Variants in ALAS1 observed in about 807,000 individuals in gnomAD.
The protein encoded by ALAS1 is 5-aminolevulinate synthase, non-specific, mitochondrial.
A neutral mutation model predicts 59.6 loss-of-function variants in ALAS1; 29 were observed. The ratio of observed to expected loss-of-function variants is 0.49; its 90% CI spans 0.36 to 0.66. The LOEUF is 0.66. Among genes scored for constraint, ALAS1 ranks in the 30% least tolerant of loss-of-function variants. The pLI is 0.00. For synonymous variants in ALAS1, 299 were observed against 296.6 expected (o/e 1.01, Z -0.08); for missense variants, 690 against 807.5 (o/e 0.85, Z 1.76).
At chr3:52,209,502 C>T (rs750911189) in intron 9 of ALAS1, among the ~76,000 whole-genome samples, 7 of 152,098 alleles carry the variant, frequency 4.6e-5, no homozygotes, top group Non-Finnish European at 1.0e-4. Context: ...CCACCACACC[C>T]GGCCAGAAGC....
At position 52,205,736 on chromosome 3, in the gene ALAS1, A is replaced by G. The variant is rs989264514; in HGVS notation, c.801-103A>G. 13 of 1,144,006 alleles carry G rather than the reference A, an allele frequency of 1.1e-5. No individual in the cohort carries two copies. The South Asian group carries it at 1.8e-4, about 16-fold the overall frequency. The allele number at this position is 1,144,006 out of a possible 1,614,324, so 70.9% of individuals were successfully genotyped here. A position where few individuals can be genotyped will look rare whatever the true frequency, so the allele number is the denominator to read the frequency against. On this transcript the variant is annotated intron_variant, in intron 6 of 11. Coordinates refer to ENST00000484952, the MANE Select transcript of ALAS1 (RefSeq NM_000688.6). Reference sequence around the variant, plus strand: ...GGTTTCACAGTGAGAGAGTTGCTACATCAACATGTTTCAGTCTCCTGGATC... The same window carrying G: ...GGTTTCACAGTGAGAGAGTTGCTACGTCAACATGTTTCAGTCTCCTGGATC...
At chr3:52,207,749 GTATTAATTCACTTAGGATGGCCTCTA>G (rs1699324035) in intron 8 of ALAS1, among the ~76,000 whole-genome samples, 1 of 152,140 alleles carries the variant, frequency 6.6e-6, no homozygotes, top group African/African-American at 2.4e-5. Flanking sequence ...TTCCGTTCCT[GTATTAATTCACTTAGGATGGCCTCTA>G]GCTCCATCCG....
intron 11 of ALAS1, among the ~76,000 whole-genome samples, chr3:52,213,380 C>G (rs1377266540): frequency 6.6e-6 from 1 of 152,192 alleles, no homozygotes; most frequent in Non-Finnish European, 1.5e-5. Flanking sequence ...GGAGCAGCTT[C>G]TTCCCTACAG....
chr3:52,201,219 A>T (rs187258001), intron 3 of ALAS1, among the ~76,000 whole-genome samples: 10 of 152,318 alleles, frequency 6.6e-5, no homozygotes, highest in Admixed American at 6.5e-4. Context: ...GCTCAAGGGG[A>T]GAGGGAAGTC....
chr3:52,211,049 T>C (rs1487897499), intron 9 of ALAS1, among the ~76,000 whole-genome samples: 1 of 152,048 alleles, frequency 6.6e-6, no homozygotes, highest in Non-Finnish European at 1.5e-5. Flanking sequence ...TACCTAAACA[T>C]AGAAAAGGTA....
At chr3:52,211,128 TC>T (rs1699395832) in intron 9 of ALAS1, among the ~76,000 whole-genome samples, 154 bp from the exon 10 acceptor site, 1 of 152,168 alleles carries the variant, frequency 6.6e-6, no homozygotes, top group Non-Finnish European at 1.5e-5. Flanking sequence ...GACTGAGACA[TC>T]ATTAATGTGG....
At position 52,202,501 on chromosome 3, in the gene ALAS1, C is replaced by T. The variant is rs552446703; in HGVS notation, c.200-6C>T. On this transcript the variant is annotated splice_polypyrimidine_tract_variant and splice_region_variant and intron_variant, in intron 3 of 11. Transcript: ENST00000484952. ...GATGCTTCACTTTTTCCATTTCCTCCCTCAGAAGACAAAACTGCTAAGGCC... is the reference window on the plus strand; with the variant it reads ...GATGCTTCACTTTTTCCATTTCCTCTCTCAGAAGACAAAACTGCTAAGGCC... 16 of 1,606,948 alleles carry T rather than the reference C, an allele frequency of 1.0e-5. No homozygotes were observed. In the South Asian group the frequency reaches 1.5e-4, roughly 15 times the overall value.
At chr3:52,205,742 A>G (rs1699278527) in intron 6 of ALAS1, 97 bp from the exon 7 acceptor site, 2 of 1,194,566 alleles carry the variant, frequency 1.7e-6, no homozygotes, top group African/African-American at 1.6e-5. Context: ...CTACATCAAC[A>G]TGTTTCAGTC....
intron 11 of ALAS1, 26 bp downstream of exon 11, chr3:52,212,446 C>G (rs1328964457): frequency 6.2e-7 from 1 of 1,613,454 alleles, no homozygotes; most frequent in East Asian, 2.2e-5. Context: ...GCTGCTGGTG[C>G]CTCACTGAGG....
At position 52,199,278 on chromosome 3, in the gene ALAS1, C is replaced by T. The variant is rs1007466272; in HGVS notation, c.37C>T (p.Arg13Ter). 2 of 1,614,200 alleles carry T rather than the reference C, an allele frequency of 1.2e-6. No individual in the cohort carries two copies. The highest frequency in any genetic ancestry group is 1.7e-6 in the Non-Finnish European group (2 of 1,180,032). ...SVVRRCPFLSRVPQAFLQKAG... is the reference protein window; with the variant it reads ...SVVRRCPFLS ...TGTTCGCCGCTGCCCATTCTTATCCCGAGTCCCCCAGGCCTTTCTGCAGAA... is the reference window on the plus strand; with the variant it reads ...TGTTCGCCGCTGCCCATTCTTATCCTGAGTCCCCCAGGCCTTTCTGCAGAA... Residue 13 changes from arginine to a stop codon, truncating the protein, a stop_gained, in exon 3 of 12, where the codon CGA (arginine) becomes TGA (stop). Coordinates refer to ENST00000484952, the MANE Select transcript of ALAS1 (RefSeq NM_000688.6). LOFTEE classifies it high-confidence loss of function.
chr3:52,200,042 C>T (rs1699156666), intron 3 of ALAS1, among the ~76,000 whole-genome samples: 1 of 152,218 alleles, frequency 6.6e-6, no homozygotes, highest in African/African-American at 2.4e-5. Flanking sequence ...TCTCAAACTC[C>T]TGACCTCAAA....
At chr3:52,202,864 G>A in intron 4 of ALAS1, 130 bp downstream of exon 4, 1 of 857,162 alleles carries the variant, frequency 1.2e-6, no homozygotes, top group South Asian at 1.7e-5. Context: ...TAGGGCCAGA[G>A]AGGAAGGTCT....
intron 4 of ALAS1, 73 bp downstream of exon 4, chr3:52,202,807 G>C (rs1167872226): frequency 7.1e-7 from 1 of 1,408,586 alleles, no homozygotes; most frequent in African/African-American, 1.4e-5. Flanking sequence ...TCAGATTTGT[G>C]TATGAGCTAT....
intron 9 of ALAS1, among the ~76,000 whole-genome samples, chr3:52,210,591 G>A (rs1007547339): frequency 2.0e-5 from 3 of 152,006 alleles, no homozygotes; most frequent in African/African-American, 7.2e-5. Flanking sequence ...CCTGGGCAAC[G>A]AAGCATGGCC....
chr3:52,205,494 GTT>G (rs1210393712), intron 6 of ALAS1, among the ~76,000 whole-genome samples: 1 of 152,170 alleles, frequency 6.6e-6, no homozygotes, highest in Non-Finnish European at 1.5e-5. Context: ...TCCCTCTAGA[GTT>G]TGCTTTTTCT....
rs1358607132 is a variant in ALAS1, at chr3:52,210,376, C to T, written c.1331-907C>T. On this transcript the variant is annotated intron_variant, in intron 9 of 11. Coordinates refer to ENST00000484952, the MANE Select transcript of ALAS1 (RefSeq NM_000688.6). ...ACACTGGGACCAGTCACTGAGGTGTCAGGTCTGATTGGAAGACCTGCATTT... is the reference window on the plus strand; with the variant it reads ...ACACTGGGACCAGTCACTGAGGTGTTAGGTCTGATTGGAAGACCTGCATTT... Among the ~76,000 whole-genome samples the T allele has an allele frequency of 2.0e-5, 3 of 152,312 alleles. No homozygotes were observed. The East Asian group carries it at 5.8e-4, about 29-fold the overall frequency.
intron 11 of ALAS1, among the ~76,000 whole-genome samples, chr3:52,213,395 G>A (rs1699452629): frequency 6.6e-6 from 1 of 152,136 alleles, no homozygotes; most frequent in African/African-American, 2.4e-5. Flanking sequence ...CTACAGGCCT[G>A]TGAAATCAAG....
chr3:52,211,157 C>A (rs941713741), intron 9 of ALAS1, 126 bp from the exon 10 acceptor site: 1 of 1,034,794 alleles, frequency 9.7e-7, no homozygotes, highest in Non-Finnish European at 1.4e-6. Context: ...CTACTCCAAT[C>A]AGTCCAGGAA....
chr3:52,200,622 G>A (rs1260471838), intron 3 of ALAS1, among the ~76,000 whole-genome samples: 1 of 152,194 alleles, frequency 6.6e-6, no homozygotes, highest in East Asian at 1.9e-4. Context: ...TGTAATCCCA[G>A]CTATTTGGGA....
Sources: allele counts gnomAD v4.1 joint callset (sites outside exome capture counted in the v4.1 genomes callset), GRCh38; gene constraint gnomAD v4.1.1; transcripts MANE v1.5; gene names NCBI Gene and HGNC (gene_info 2026-07-23, HGNC 2026-07-21).